Variants in EVC observed in about 807,000 individuals in gnomAD.
EVC encodes EvC ciliary complex subunit 1, also known as evC complex member EVC.
EVC carries 116 observed loss-of-function variants against 118.9 expected under a neutral mutation model. The observed-to-expected ratio is 0.98, with a 90% CI of 0.84 to 1.14. The LOEUF (loss-of-function observed/expected upper bound fraction) is 1.14, where lower values mean the gene tolerates loss of function less well. Ranked by LOEUF, EVC falls within the 50% of genes most tolerant of loss-of-function variation. The pLI is 0.00. For synonymous variants in EVC, 619 were observed against 534.7 expected, an observed-to-expected ratio of 1.16 and a Z score of -2.18; for missense variants, 1,401 against 1,246.4, an observed-to-expected ratio of 1.12 and a Z score of -1.87.
chr4:5,734,724 G>A (rs1292370969), intron 5 of EVC, among the ~76,000 whole-genome samples: 1 of 152,206 alleles, frequency 6.6e-6, no homozygotes, highest in African/African-American at 2.4e-5. Flanking sequence ...TGTGTGAGCA[G>A]GACTGACTGG....
chr4:5,772,599 A>G lies in EVC; in HGVS notation c.1564-10953A>G, dbSNP rs144494559. On this transcript the variant is annotated intron_variant, in intron 11 of 20. Transcript: ENST00000264956. Reference sequence around the variant, plus strand: ...TTAGCTTGGTCCACGAGGCCCATCCAGCCTGTCCACAAGATGCCCCCAACC... The same window carrying G: ...TTAGCTTGGTCCACGAGGCCCATCCGGCCTGTCCACAAGATGCCCCCAACC... 5.4e-3 allele frequency among the ~76,000 whole-genome samples: 828 copies of G among 152,202 alleles called. 19 individuals carry two copies. The highest frequency in any genetic ancestry group is 0.018 in the African/African-American group (760 of 41,480).
At chr4:5,816,059 A>G (rs978396091), downstream of EVC, among the ~76,000 whole-genome samples, 3 of 152,106 alleles carry the variant, frequency 2.0e-5, no homozygotes, top group Admixed American at 6.5e-5. Flanking sequence ...AGCATTACCC[A>G]GGGGCTCATT....
chr4:5,735,567 C>T (rs768501868), intron 5 of EVC, among the ~76,000 whole-genome samples: 2 of 152,190 alleles, frequency 1.3e-5, no homozygotes, highest in Non-Finnish European at 2.9e-5. Context: ...CTGGCATGGT[C>T]ACAGCAGTGA....
rs1363681803 is a variant in EVC, at chr4:5,764,771, C to T, written c.1563+8409C>T. Among the ~76,000 whole-genome samples the T allele has an allele frequency of 1.8e-4, 26 of 146,022 alleles. No homozygotes were observed. The South Asian group carries it at 4.4e-3, about 25-fold the overall frequency. ...ATATCCCCTTTATCATTTTTTATTG[C>T]GTCTATTTGATTCTTCTCTCTTTTC... is the stretch of plus-strand genomic sequence containing the variant. On this transcript the variant is annotated intron_variant, in intron 11 of 20. Coordinates refer to ENST00000264956, the MANE Select transcript of EVC (RefSeq NM_153717.3).
intron 2 of EVC, among the ~76,000 whole-genome samples, chr4:5,722,883 A>C (rs927406218): frequency 3.9e-5 from 6 of 152,236 alleles, no homozygotes; most frequent in African/African-American, 1.4e-4. Flanking sequence ...GACTCTCAGA[A>C]TTTGGAGGAC....
chr4:5,725,483 A>G (rs1725664109), intron 2 of EVC, among the ~76,000 whole-genome samples: 1 of 152,054 alleles, frequency 6.6e-6, no homozygotes, highest in Non-Finnish European at 1.5e-5. Context: ...AGTGATGTTG[A>G]GCTTTTTTTC....
At chr4:5,794,167 G>T (rs1713318977) in intron 13 of EVC, among the ~76,000 whole-genome samples, 1 of 148,378 alleles carries the variant, frequency 6.7e-6, no homozygotes, top group South Asian at 2.1e-4. Flanking sequence ...AACAATTAGT[G>T]CAATATGGTC....
intron 9 of EVC, 140 bp downstream of exon 9, chr4:5,753,192 A>G: frequency 2.5e-6 from 2 of 799,826 alleles, no homozygotes; most frequent in Admixed American, 2.1e-5. Context: ...TGCCCTAGGG[A>G]CTGGGTCACT....
chr4:5,787,780 G>C (rs1198887956), intron 12 of EVC, among the ~76,000 whole-genome samples: 3 of 152,134 alleles, frequency 2.0e-5, no homozygotes, highest in African/African-American at 7.2e-5. Context: ...GAGGCAGTCT[G>C]TCTGAGTTTG....
At chr4:5,796,287 A>G (rs1259941432) in intron 13 of EVC, among the ~76,000 whole-genome samples, 4 of 151,670 alleles carry the variant, frequency 2.6e-5, no homozygotes, top group African/African-American at 4.8e-5. Context: ...GCATGTTTCT[A>G]TTGTCTGTTT....
At chr4:5,732,893 C>T (rs1006143891) in intron 4 of EVC, among the ~76,000 whole-genome samples, 5 of 151,994 alleles carry the variant, frequency 3.3e-5, no homozygotes, top group Non-Finnish European at 5.9e-5. Context: ...GCCTGTAGTC[C>T]GAGCTACACG....
intron 12 of EVC, among the ~76,000 whole-genome samples, chr4:5,791,090 C>T (rs930824539): frequency 2.6e-5 from 4 of 152,028 alleles, no homozygotes; most frequent in African/African-American, 4.8e-5. Context: ...AGCAAGACTC[C>T]ATCTCAAAAA....
chr4:5,774,443 A>G (rs74371536), intron 11 of EVC, among the ~76,000 whole-genome samples: 2,501 of 152,032 alleles, frequency 0.016, 78 homozygotes, highest in African/African-American at 0.057. Context: ...GCCAATCCCC[A>G]TAAATCCTTT....
At position 5,731,879 on chromosome 4, in the gene EVC, G is replaced by T. The variant is rs1436277484; in HGVS notation, c.617+222G>T. Among the ~76,000 whole-genome samples, 2 of 152,156 alleles carry T rather than the reference G, an allele frequency of 1.3e-5. No individual in the cohort carries two copies. Among genetic ancestry groups the T allele is most frequent in the Non-Finnish European group, 2.9e-5 (2 of 68,030 alleles). ...TATGGAGTCAGGCCTGAGCCCCGGG[G>T]AGAGATGACAGGGAGGCCTCATTTA... On this transcript the variant is annotated intron_variant, in intron 4 of 20. Transcript: ENST00000264956. The surrounding 1 kb of genome is among the most constrained non-coding windows in gnomAD (Gnocchi z 5.6).
rs73795089 is a variant in EVC at position 5,802,018 on chromosome 4, G to A, written c.2373G>A (p.Gln791=). Residue 791 remains glutamine (Q), a synonymous_variant, in exon 16 of 21, where the codon CAG becomes CAA. Transcript: ENST00000264956. ...GCGCTGGTGTCAGCCGCCTGGTGCA[G>A]GCGTATTACCAGCAAATCGGAAGGA... ...VTSAGVSRLV[Q]AYYQQIGRIM... 2.1e-3 allele frequency: 3,315 copies of A among 1,614,216 alleles called. 51 individuals are homozygous for A. In the African/African-American group the frequency reaches 0.038, roughly 19 times the overall value.
chr4:5,715,465 T>G (rs1319389085), intron 1 of EVC, among the ~76,000 whole-genome samples: 1 of 152,186 alleles, frequency 6.6e-6, no homozygotes, highest in Non-Finnish European at 1.5e-5. Flanking sequence ...TTCTTAAAGT[T>G]TGAGAAGCAG....
intron 2 of EVC, among the ~76,000 whole-genome samples, chr4:5,720,582 C>G (rs4234714): frequency 6.6e-6 from 1 of 152,218 alleles, no homozygotes; most frequent in African/African-American, 2.4e-5. Flanking sequence ...AAAGGTCCGA[C>G]GTCAGTAGGG....
Position 5,797,100 on chromosome 4 carries a change from C to A in EVC, c.1965C>A (p.Ala655=), listed in dbSNP as rs757251724. 2 of 1,613,566 alleles carry A rather than the reference C, an allele frequency of 1.2e-6. No homozygotes were observed. Among genetic ancestry groups the A allele is most frequent in the Non-Finnish European group, 1.7e-6 (2 of 1,180,022 alleles). ...ALRRLALRGN[A]LATLTQMRLS... ...GGAGGCTGGCACTCCGCGGCAACGC[C>A]CTGGCCACCCTGACGCAGATGCGGC... is the stretch of plus-strand genomic sequence containing the variant. Residue 655 remains alanine, a synonymous_variant, in exon 14 of 21, where the codon GCC becomes GCA. Coordinates refer to ENST00000264956, the MANE Select transcript of EVC (RefSeq NM_153717.3).
rs1365859988 is a variant in EVC at position 5,749,960 on chromosome 4, C to T, written c.1098+1654C>T. Among the ~76,000 whole-genome samples the T allele has an allele frequency of 1.3e-5, 2 of 152,180 alleles. No homozygotes were observed. The highest frequency in any genetic ancestry group is 2.4e-5 in the African/African-American group (1 of 41,446). ...GTGCAGAATCCTGTCCTCCACCCTT[C>T]CCAAGCAGGATCTGCACTTTAACAA... On this transcript the variant is annotated intron_variant, in intron 8 of 20. Coordinates refer to ENST00000264956, the MANE Select transcript of EVC (RefSeq NM_153717.3). This position sits in a 1 kb window ranked among gnomAD's most constrained non-coding sequence, Gnocchi z 4.4.
Sources: allele counts gnomAD v4.1 joint callset (sites outside exome capture counted in the v4.1 genomes callset), GRCh38; gene constraint gnomAD v4.1.1; non-coding constraint Gnocchi (gnomAD v3.1); transcripts MANE v1.5; gene names NCBI Gene and HGNC (gene_info 2026-07-23, HGNC 2026-07-21).